Variants in CEP250 observed in about 807,000 individuals in gnomAD.
CEP250 encodes centrosomal protein 250.
CEP250 carries 242 observed loss-of-function variants against 315.7 expected under a neutral mutation model. The observed-to-expected ratio is 0.77, with a 90% CI of 0.69 to 0.85. CEP250 has a LOEUF of 0.85. Ranked by LOEUF, CEP250 falls within the 40% of genes least tolerant of loss-of-function variation. The pLI is 0.00. For missense variants in CEP250, 2,515 were observed against 2,886.4 expected (o/e 0.87, Z 2.95); for synonymous variants, 1,088 against 1,175.0 (o/e 0.93, Z 1.51).
Position 35,473,568 on chromosome 20 carries a change from G to T in CEP250, c.1388+16G>T. On this transcript the variant is annotated intron_variant, in intron 13 of 34. Coordinates refer to ENST00000397527, the MANE Select transcript of CEP250 (RefSeq NM_007186.6). The stretch of plus-strand genomic sequence containing the variant: ...CTCTCAGCAAGTGAGCAGACGGGCT[G>T]TTCATCCCACCCTCCCAGCCTGGTC... 1 of 1,596,490 alleles carries T rather than the reference G, an allele frequency of 6.3e-7. No homozygotes were observed. Among genetic ancestry groups the T allele is most frequent in the African/African-American group, 1.3e-5 (1 of 74,700 alleles).
chr20:35,468,601 G>A (rs951842233), intron 9 of CEP250, among the ~76,000 whole-genome samples: 1 of 152,112 alleles, frequency 6.6e-6, no homozygotes, highest in Non-Finnish European at 1.5e-5. Flanking sequence ...AAGTACAAAA[G>A]CAGGCCATGT....
chr20:35,490,572 A>G (rs2063657856), intron 20 of CEP250, 65 bp from the exon 21 acceptor site: 11 of 1,509,280 alleles, frequency 7.3e-6, no homozygotes, highest in Middle Eastern at 4.6e-4. Flanking sequence ...TGTTTTTCCA[A>G]TCCAGTACCC....
Position 35,496,634 on chromosome 20 carries a change from C to T in CEP250, c.3225C>T (p.Asp1075=). The T allele has an allele frequency of 1.9e-6, 3 of 1,614,114 alleles. No homozygotes were observed. The highest frequency in any genetic ancestry group is 1.7e-6 in the Non-Finnish European group (2 of 1,180,002). Residue 1075 remains aspartate (D), a synonymous_variant, in exon 25 of 35, where the codon GAC becomes GAT. Coordinates refer to ENST00000397527, the MANE Select transcript of CEP250 (RefSeq NM_007186.6). ...EQRLLVLQEA[D]SIRQQELSAL... is the part of the protein sequence containing the mutation. ...GACTCCTTGTTTTACAAGAAGCTGACTCTATTCGACAACAAGAGCTGAGTG... is the reference window on the plus strand; with the variant it reads ...GACTCCTTGTTTTACAAGAAGCTGATTCTATTCGACAACAAGAGCTGAGTG...
At position 35,493,533 on chromosome 20, in the gene CEP250, C is replaced by T; in HGVS notation, c.2994C>T (p.Ser998=). The change falls in exon 23 of 35, where the codon AGC becomes AGT. Residue 998 remains serine, a synonymous_variant. Transcript: ENST00000397527. The stretch of plus-strand genomic sequence containing the variant: ...ACCTTGCTGCCCTCCAAGAAGAGAG[C>T]AGCTCCCTGCTGCAGGATAAGATGG... ...RDDLAALQEE[S]SSLLQDKMDL... 10 of 1,598,880 alleles carry T rather than the reference C, an allele frequency of 6.3e-6. No individual in the cohort carries two copies. Among genetic ancestry groups the T allele is most frequent in the Non-Finnish European group, 8.5e-6 (10 of 1,173,818 alleles).
In CEP250 at chr20:35,497,992, G is replaced by C. The variant is rs762084247; in HGVS notation, c.3580G>C (p.Gly1194Arg). ...SLYSALQQAL[G>R]SVCESRPELS... ...CTACTCTGCCCTGCAGCAGGCCCTG[G>C]GGTCTGTTTGTGAGAGCAGGCCTGA... The change falls in exon 26 of 35, where the codon GGG (glycine) becomes CGG (arginine). Residue 1194 changes from glycine (G) to arginine (R), a missense_variant. Coordinates refer to ENST00000397527, the MANE Select transcript of CEP250 (RefSeq NM_007186.6). 3.8e-5 allele frequency: 62 copies of C among 1,613,140 alleles called. No homozygotes were observed. The highest frequency in any genetic ancestry group is 5.2e-5 in the Non-Finnish European group (61 of 1,179,646).
intron 31 of CEP250, 27 bp from the exon 32 acceptor site, chr20:35,508,008 G>A (rs2064240936): frequency 1.9e-6 from 3 of 1,613,798 alleles, no homozygotes; most frequent in Non-Finnish European, 2.5e-6. Flanking sequence ...GGGCTGCCCA[G>A]GTGAGATTCA....
chr20:35,509,071 C>T (rs6142401), intron 33 of CEP250, 27 bp downstream of exon 33: 2 of 1,534,716 alleles, frequency 1.3e-6, no homozygotes, highest in Non-Finnish European at 1.8e-6. Flanking sequence ...CAGCTGCAGC[C>T]TTAGAGAGCC....
rs762352794 is a variant in CEP250, at chr20:35,502,456, G to T, written c.4087G>T (p.Ala1363Ser). ...LTAQVEHLQAAVVEARAQASA... is the reference protein window; with the variant it reads ...LTAQVEHLQASVVEARAQASA... ...AGCCCAGGTGGAACACCTGCAAGCA[G>T]CTGTCGTAGAAGCCAGGGCTCAGGC... The change falls in exon 30 of 35, where the codon GCT (alanine) becomes TCT (serine). Residue 1363 changes from alanine to serine, a missense_variant. Physicochemically the swap from Ala to Ser is moderately conservative, Grantham distance 99. Transcript: ENST00000397527. 6.2e-7 allele frequency: 1 copy of T among 1,614,178 alleles called. No homozygotes were observed. The highest frequency in any genetic ancestry group is 1.3e-5 in the African/African-American group (1 of 75,066).
intron 10 of CEP250, among the ~76,000 whole-genome samples, chr20:35,471,137 G>A (rs2063016098): frequency 6.6e-6 from 1 of 152,084 alleles, no homozygotes; most frequent in Non-Finnish European, 1.5e-5. Flanking sequence ...TGCCAATTCA[G>A]AATATCCATG....
In CEP250 at chr20:35,497,865, ACT is replaced by A; in HGVS notation, c.3454_3455del (p.Leu1152ThrfsTer46). 1 of 1,594,886 alleles carries A rather than the reference ACT, an allele frequency of 6.3e-7. No individual in the cohort carries two copies. Among genetic ancestry groups the A allele is most frequent in the Non-Finnish European group, 8.5e-7 (1 of 1,170,846 alleles). ...LWAQEAKAAQ[L>X]QLRLRSTESQ... ...GGGCCCAGGAAGCCAAGGCAGCCCA[ACT>A]ACAGCTGCGACTGCGCAGCACAGAG... On this transcript the variant is annotated frameshift_variant, in exon 26 of 35. Transcript: ENST00000397527. LOFTEE classifies it high-confidence loss of function.
intron 10 of CEP250, among the ~76,000 whole-genome samples, chr20:35,470,625 T>G (rs1040657381): frequency 1.3e-5 from 2 of 152,124 alleles, no homozygotes; most frequent in African/African-American, 2.4e-5. Context: ...TGGTGGCACA[T>G]GCCTATAAAC....
In CEP250 at chr20:35,502,268, A is replaced by G. The variant is rs546340488; in HGVS notation, c.4021-122A>G. 7.2e-5 allele frequency: 49 copies of G among 680,466 alleles called. 2 individuals are homozygous for G. In the Middle Eastern group the frequency reaches 2.6e-3, roughly 36 times the overall value. The allele number at this position is 680,466 out of a possible 1,614,324, so 42.2% of individuals were successfully genotyped here. On this transcript the variant is annotated intron_variant, in intron 29 of 34. Transcript: ENST00000397527. ...ATCAGCTTAAGTGGAATATACCACC[A>G]CTTTTTTTTGCCCAAGTCCTTATCA...
In CEP250 at chr20:35,462,501, C is replaced by G. The variant is rs774753773; in HGVS notation, c.134C>G (p.Ser45Cys). 3.1e-6 allele frequency: 5 copies of G among 1,609,618 alleles called. No homozygotes were observed. The highest frequency in any genetic ancestry group is 1.1e-5 in the South Asian group (1 of 90,252). The change falls in exon 4 of 35, where the codon TCC becomes TGC. Residue 45 changes from serine to cysteine, a missense_variant. Ser to Cys is a moderately radical substitution (Grantham distance 112). Transcript: ENST00000397527. ...QAASWRKLKN[S>C]QEAQQRQATL... ...GCCTCCTGGCGGAAGCTGAAGAACT[C>G]CCAGGAGGCCCAGCAGAGACAAGCA...
chr20:35,484,691 C>T (rs1203936467), intron 20 of CEP250, among the ~76,000 whole-genome samples: 2 of 151,950 alleles, frequency 1.3e-5, no homozygotes, highest in Non-Finnish European at 2.9e-5. Flanking sequence ...TCAAGGGATC[C>T]TCCTGTCTCA....
chr20:35,511,554 T>C lies in CEP250; in HGVS notation c.7257T>C (p.Thr2419=). The part of the protein sequence containing the change: ...AETRRLDESL[T]QSLTSPGPVL... ...CCCGCAGGCTGGATGAGTCCCTGAC[T>C]CAAAGTCTGACATCCCCAGGGCCAG... Residue 2419 remains threonine (T), a synonymous_variant, in exon 35 of 35, where the codon ACT becomes ACC. Transcript: ENST00000397527. 1 of 1,613,896 alleles carries C rather than the reference T, an allele frequency of 6.2e-7. No individual in the cohort carries two copies. The highest frequency in any genetic ancestry group is 8.5e-7 in the Non-Finnish European group (1 of 1,179,994).
chr20:35,470,015 T>G lies in CEP250; in HGVS notation c.948+29T>G, dbSNP rs762996830. The G allele has an allele frequency of 1.7e-5, 26 of 1,485,822 alleles. No individual in the cohort carries two copies. The South Asian group carries it at 2.8e-4, about 16-fold the overall frequency. The allele number at this position is 1,485,822 out of a possible 1,614,324, so 92.0% of individuals were successfully genotyped here. On this transcript the variant is annotated intron_variant, in intron 10 of 34. Coordinates refer to ENST00000397527, the MANE Select transcript of CEP250 (RefSeq NM_007186.6). ...CATGATCCTTTGCTCTGGAAAGGAGTTGGGCGTGGGCTTGTAGGTTCCTTG... is the reference window on the plus strand; with the variant it reads ...CATGATCCTTTGCTCTGGAAAGGAGGTGGGCGTGGGCTTGTAGGTTCCTTG...
chr20:35,471,645 A>G (rs893348049), intron 10 of CEP250, among the ~76,000 whole-genome samples: 2 of 152,192 alleles, frequency 1.3e-5, no homozygotes, highest in African/African-American at 4.8e-5. Flanking sequence ...GACAGCACCC[A>G]TCCCCTATCT....
rs367762164 is a variant in CEP250 at position 35,474,109 on chromosome 20, C to A, written c.1571+57C>A. 217 of 1,366,600 alleles carry A rather than the reference C, an allele frequency of 1.6e-4. No individual in the cohort carries two copies. The South Asian group carries it at 2.7e-3, about 17-fold the overall frequency. The allele number at this position is 1,366,600 out of a possible 1,614,324, so 84.7% of individuals were successfully genotyped here. On this transcript the variant is annotated intron_variant, in intron 14 of 34. Coordinates refer to ENST00000397527, the MANE Select transcript of CEP250 (RefSeq NM_007186.6). ...CCTGGTCTTTCTTCAATTCTACACC[C>A]TCCCCGTCTACTCCCCTCTGTTACA... is the stretch of plus-strand genomic sequence containing the variant.
In CEP250 at chr20:35,496,695, C is replaced by T; in HGVS notation, c.3286C>T (p.Gln1096Ter). 3.7e-6 allele frequency: 6 copies of T among 1,613,940 alleles called. No homozygotes were observed. The highest frequency in any genetic ancestry group is 5.1e-6 in the Non-Finnish European group (6 of 1,179,944). The change falls in exon 25 of 35, where the codon CAG (glutamine) becomes TAG (stop). Residue 1096 changes from glutamine to a stop codon, truncating the protein, a stop_gained. Coordinates refer to ENST00000397527, the MANE Select transcript of CEP250 (RefSeq NM_007186.6). LOFTEE classifies it high-confidence loss of function. ...RQDMQEAQGEQKELSAQMELL... is the reference protein window; with the variant it reads ...RQDMQEAQGE ...GGACATGCAGGAGGCCCAGGGAGAA[C>T]AGAAAGAGCTCAGTGCTCAGGTACT...
Sources: allele counts gnomAD v4.1 joint callset (sites outside exome capture counted in the v4.1 genomes callset), GRCh38; gene constraint gnomAD v4.1.1; transcripts MANE v1.5; gene names NCBI Gene and HGNC (gene_info 2026-07-23, HGNC 2026-07-21).